Variants in SLC35F4 observed in about 807,000 individuals in gnomAD.
SLC35F4 encodes the protein solute carrier family 35 member F4, also known as chromosome 14 open reading frame 36.
A neutral mutation model predicts 44.2 loss-of-function variants in SLC35F4; 24 were observed. That is an observed-to-expected ratio of 0.54 (90% confidence interval 0.39 to 0.76). The LOEUF is 0.76. SLC35F4 is among the 30% of genes least tolerant of loss of function. The pLI, the probability that SLC35F4 is intolerant of heterozygous loss-of-function variation, is 0.00. For synonymous variants in SLC35F4, 238 were observed against 223.6 expected (o/e 1.06, Z -0.57); for missense variants, 562 against 586.1 (o/e 0.96, Z 0.42).
chr14:57,881,639 C>T (rs1412305678), intron 1 of SLC35F4, among the ~76,000 whole-genome samples: 1 of 152,094 alleles, frequency 6.6e-6, no homozygotes, highest in East Asian at 1.9e-4. Flanking sequence ...TTCCCTTCCC[C>T]TTAATAAAAT....
intron 1 of SLC35F4, among the ~76,000 whole-genome samples, chr14:57,957,903 G>A (rs554551435): frequency 1.3e-5 from 2 of 152,164 alleles, no homozygotes; most frequent in East Asian, 1.9e-4. Flanking sequence ...ACACACTTAC[G>A]TATATATTTC....
intron 1 of SLC35F4, among the ~76,000 whole-genome samples, chr14:57,932,976 T>C (rs925014633): frequency 6.6e-6 from 1 of 151,846 alleles, no homozygotes; most frequent in East Asian, 1.9e-4. Flanking sequence ...AAAATATCAT[T>C]CCCCCATTTT....
At chr14:57,921,219 T>C (rs1039668217) in intron 1 of SLC35F4, among the ~76,000 whole-genome samples, 2 of 152,026 alleles carry the variant, frequency 1.3e-5, no homozygotes, top group African/African-American at 4.8e-5. Context: ...AAATCCAGAG[T>C]TGAGCTGGCT....
chr14:57,891,612 T>C (rs1888765459), intron 1 of SLC35F4, among the ~76,000 whole-genome samples: 1 of 152,192 alleles, frequency 6.6e-6, no homozygotes, highest in South Asian at 2.1e-4. Context: ...GCAAGGTGGC[T>C]GACTCCTGTA....
intron 1 of SLC35F4, among the ~76,000 whole-genome samples, chr14:57,729,973 T>C (rs934147200): frequency 6.6e-6 from 1 of 152,164 alleles, no homozygotes; most frequent in Non-Finnish European, 1.5e-5. Flanking sequence ...ACAGCTTTAC[T>C]CTCTGCTGTA....
Position 57,581,249 on chromosome 14 carries a change from A to G in SLC35F4, c.772T>C (p.Trp258Arg), listed in dbSNP as rs1566640078. 4 of 1,605,634 alleles carry G rather than the reference A, an allele frequency of 2.5e-6. No individual in the cohort carries two copies. Among genetic ancestry groups the G allele is most frequent in the Admixed American group, 1.7e-5 (1 of 58,588 alleles). The stretch of plus-strand genomic sequence containing the variant: ...ATGAACCTGTCTTTCAGCACAATCC[A>G]TGACAGCAAGAAGACAAAGGCTTTG... ...CNKAFVFLLS[W>R]IVLKDRFMGV... The change falls in exon 4 of 8, where the codon TGG becomes CGG. Residue 258 changes from tryptophan to arginine, a missense_variant. Transcript: ENST00000556826.
chr14:57,608,330 C>T (rs1430818876), intron 1 of SLC35F4, among the ~76,000 whole-genome samples: 6 of 152,120 alleles, frequency 3.9e-5, no homozygotes, highest in Admixed American at 3.3e-4. Context: ...ATTAAGGTAG[C>T]CCTTAATTCC....
chr14:57,899,886 A>T lies in SLC35F4; in HGVS notation n.282+82027T>A, dbSNP rs180787866. Reference sequence around the variant, plus strand: ...CGGACCCAAAGTGTGAGTGGTAGAAAGGTTTATTGTGAAGAGCGAAAGGAC... The same window carrying T: ...CGGACCCAAAGTGTGAGTGGTAGAATGGTTTATTGTGAAGAGCGAAAGGAC... On this transcript the variant is annotated intron_variant and non_coding_transcript_variant, in intron 1 of 1. Transcript: ENST00000556568. Among the ~76,000 whole-genome samples the T allele has an allele frequency of 1.6e-4, 24 of 152,224 alleles. No individual in the cohort carries two copies. The East Asian group carries it at 4.5e-3, about 28-fold the overall frequency.
intron 1 of SLC35F4, among the ~76,000 whole-genome samples, chr14:57,949,152 T>C (rs1890088719): frequency 6.6e-6 from 1 of 152,300 alleles, no homozygotes; most frequent in South Asian, 2.1e-4. Context: ...ATTATTGTGT[T>C]ACCATCTATC....
At chr14:57,698,629 G>GCTAAAA (rs1338574280) in intron 1 of SLC35F4, among the ~76,000 whole-genome samples, 1 of 148,422 alleles carries the variant, frequency 6.7e-6, no homozygotes, top group Admixed American at 6.8e-5. Context: ...GCACCACATA[G>GCTAAAA]CTAAACATGT....
intron 1 of SLC35F4, among the ~76,000 whole-genome samples, chr14:57,648,370 C>T (rs929926606): frequency 2.0e-5 from 3 of 152,072 alleles, no homozygotes; most frequent in African/African-American, 4.8e-5. Context: ...AGAGATATAG[C>T]TACTAACACT....
At chr14:57,930,926 A>T (rs74054809) in intron 1 of SLC35F4, among the ~76,000 whole-genome samples, 3,011 of 152,350 alleles carry the variant, frequency 0.02, 84 homozygotes, top group African/African-American at 0.068. Context: ...TCCTTCAGGA[A>T]AACCCTGAAG....
At chr14:57,884,022 C>A (rs1888596585) in intron 1 of SLC35F4, among the ~76,000 whole-genome samples, 2 of 152,038 alleles carry the variant, frequency 1.3e-5, no homozygotes, top group Non-Finnish European at 1.5e-5. Flanking sequence ...ACAATAAGAG[C>A]CGTGGATAAA....
At chr14:57,907,822 TA>T (rs574320645) in intron 1 of SLC35F4, among the ~76,000 whole-genome samples, 83 of 150,758 alleles carry the variant, frequency 5.5e-4, no homozygotes, top group African/African-American at 2.1e-3. Flanking sequence ...TAATAAACCT[TA>T]TTTTTTTTTA....
intron 1 of SLC35F4, among the ~76,000 whole-genome samples, chr14:57,729,122 T>A (rs540280040): frequency 1.3e-5 from 2 of 152,294 alleles, no homozygotes; most frequent in South Asian, 4.1e-4. Context: ...TTATTAAATG[T>A]CTTGAGGTAG....
chr14:57,699,613 T>C (rs1444538194), intron 1 of SLC35F4, among the ~76,000 whole-genome samples: 1 of 152,166 alleles, frequency 6.6e-6, no homozygotes, highest in Non-Finnish European at 1.5e-5. Context: ...TCACACCAAA[T>C]GTGCAATCTC....
intron 1 of SLC35F4, among the ~76,000 whole-genome samples, chr14:57,968,813 A>C (rs1380899733): frequency 6.6e-6 from 1 of 152,210 alleles, no homozygotes. Context: ...GAAGGCCAAA[A>C]ATTAAACTTC....
At chr14:57,669,190 G>C (rs2074423529) in intron 1 of SLC35F4, among the ~76,000 whole-genome samples, 1 of 151,954 alleles carries the variant, frequency 6.6e-6, no homozygotes. Flanking sequence ...TGTATCCTGA[G>C]ACTTTGCTGA....
chr14:57,723,502 G>T (rs1160183330), intron 1 of SLC35F4, among the ~76,000 whole-genome samples: 1 of 152,248 alleles, frequency 6.6e-6, no homozygotes, highest in African/African-American at 2.4e-5. Flanking sequence ...CTTGGAGAAT[G>T]ACAGTGGGTT....
Sources: gnomAD v4.1 joint callset for allele counts (sites outside exome capture counted in the v4.1 genomes callset) on GRCh38, gnomAD v4.1.1 for gene constraint, MANE v1.5 for transcripts, NCBI Gene and HGNC (gene_info 2026-07-23, HGNC 2026-07-21) for gene names.